The following SIAH3 variants were observed in gnomAD, a reference collection of about 807,000 sequenced individuals.
The protein encoded by SIAH3 is seven in absentia homolog 3.
SIAH3 carries 9 observed loss-of-function variants against 12.6 expected under a neutral mutation model. The ratio of observed to expected loss-of-function variants is 0.72; its 90% CI spans 0.43 to 1.25. The LOEUF (loss-of-function observed/expected upper bound fraction) is 1.25, where lower values mean the gene tolerates loss of function less well. Among genes scored for constraint, SIAH3 ranks in the 50% most tolerant of loss-of-function variants. The probability of loss-of-function intolerance (pLI) is 0.00; values close to 1 mark genes in which losing one functional copy is unlikely to be tolerated. For missense variants in SIAH3, 390 were observed against 365.4 expected (o/e 1.07, Z -0.55); for synonymous variants, 154 against 151.1 (o/e 1.02, Z -0.14).
chr13:45,816,044 C>T (rs544217776), intron 1 of SIAH3, among the ~76,000 whole-genome samples: 8 of 152,210 alleles, frequency 5.3e-5, no homozygotes, highest in African/African-American at 1.2e-4. Flanking sequence ...GTGAGGAAAC[C>T]GAGGCACAGA....
intron 1 of SIAH3, among the ~76,000 whole-genome samples, chr13:45,834,322 G>A (rs1419515605): frequency 1.3e-5 from 2 of 152,160 alleles, no homozygotes; most frequent in African/African-American, 4.8e-5. Context: ...ATCTCTACCA[G>A]GGGAAAGAAA....
intron 1 of SIAH3, among the ~76,000 whole-genome samples, chr13:45,843,397 A>G (rs1950747792): frequency 6.6e-6 from 1 of 152,146 alleles, no homozygotes; most frequent in African/African-American, 2.4e-5. Flanking sequence ...CCCCTCACAG[A>G]GCCACCTACC....
intron 1 of SIAH3, among the ~76,000 whole-genome samples, chr13:45,830,507 C>T (rs892308399): frequency 1.3e-5 from 2 of 152,230 alleles, no homozygotes; most frequent in Non-Finnish European, 2.9e-5. Flanking sequence ...CAGAGCTTAG[C>T]GTACACACCT....
intron 1 of SIAH3, among the ~76,000 whole-genome samples, chr13:45,837,497 A>G (rs1950721855): frequency 6.6e-6 from 1 of 151,568 alleles, no homozygotes; most frequent in Non-Finnish European, 1.5e-5. Context: ...AAAGAAAAAG[A>G]AAGAAAGAAA....
intron 1 of SIAH3, among the ~76,000 whole-genome samples, chr13:45,801,636 G>T (rs1238904567): frequency 6.6e-6 from 1 of 152,058 alleles, no homozygotes; most frequent in Non-Finnish European, 1.5e-5. Flanking sequence ...CACAGCTAGG[G>T]GTCAACATAT....
intron 1 of SIAH3, among the ~76,000 whole-genome samples, chr13:45,814,045 TG>T (rs1396291361): frequency 6.6e-6 from 1 of 152,076 alleles, no homozygotes; most frequent in Non-Finnish European, 1.5e-5. Context: ...GAGACCATCC[TG>T]GCTAACACGG....
At chr13:45,829,331 A>G (rs2137575468) in intron 1 of SIAH3, among the ~76,000 whole-genome samples, 1 of 152,308 alleles carries the variant, frequency 6.6e-6, no homozygotes, top group South Asian at 2.1e-4. Flanking sequence ...GGCTGGGTGC[A>G]GTGGCTCACA....
At chr13:45,830,237 C>T (rs969090005) in intron 1 of SIAH3, among the ~76,000 whole-genome samples, 7 of 152,170 alleles carry the variant, frequency 4.6e-5, no homozygotes, top group African/African-American at 1.7e-4. Flanking sequence ...ATGTATGTGG[C>T]CACCTGAGCC....
chr13:45,830,210 GTTCCATCCCA>G (rs1256916833), intron 1 of SIAH3, among the ~76,000 whole-genome samples: 2 of 152,162 alleles, frequency 1.3e-5, no homozygotes, highest in Non-Finnish European at 2.9e-5. Context: ...CTCATCCCTA[GTTCCATCCCA>G]TACCTGATGT....
At chr13:45,809,619 T>C (rs1950609845) in intron 1 of SIAH3, among the ~76,000 whole-genome samples, 1 of 152,252 alleles carries the variant, frequency 6.6e-6, no homozygotes. Flanking sequence ...TATTGTAAAA[T>C]GTTTACAATA....
chr13:45,826,405 A>AGTGGCTGGG (rs1950676034), intron 1 of SIAH3, among the ~76,000 whole-genome samples: 1 of 88,048 alleles, frequency 1.1e-5, no homozygotes, highest in Non-Finnish European at 2.2e-5. Flanking sequence ...GGATGGATGG[A>AGTGGCTGGG]TGGATGGATG....
chr13:45,801,116 A>G (rs966025046), intron 1 of SIAH3, among the ~76,000 whole-genome samples: 2 of 151,464 alleles, frequency 1.3e-5, no homozygotes, highest in Admixed American at 6.6e-5. Flanking sequence ...ATGGCTGTAG[A>G]CGTTGCTATT....
intron 1 of SIAH3, among the ~76,000 whole-genome samples, chr13:45,827,129 C>T (rs186204179): frequency 7.9e-5 from 12 of 152,276 alleles, no homozygotes; most frequent in Non-Finnish European, 1.3e-4. Flanking sequence ...AGTTCTGATG[C>T]CTGTGTGACT....
At chr13:45,820,448 G>A (rs1238969702) in intron 1 of SIAH3, among the ~76,000 whole-genome samples, 1 of 152,184 alleles carries the variant, frequency 6.6e-6, no homozygotes, top group Non-Finnish European at 1.5e-5. Context: ...TCTAGGGATT[G>A]TGACTGGAAC....
Position 45,840,808 on chromosome 13 carries a change from T to C in SIAH3, c.135+10687A>G, listed in dbSNP as rs540397395. On this transcript the variant is annotated intron_variant, in intron 1 of 1. Transcript: ENST00000400405. ...TCAGTTGTTTGTTGTGAAAAGTAAC[T>C]GAGGGATGACATATCAAGACGCGCT... 1.1e-4 allele frequency among the ~76,000 whole-genome samples: 16 copies of C among 152,314 alleles called. No individual in the cohort carries two copies. In the East Asian group the frequency reaches 1.5e-3, roughly 15 times the overall value.
rs1950513306 is a variant in SIAH3 at position 45,783,509 on chromosome 13, C to G, written c.684G>C (p.Val228=). The change falls in exon 2 of 2, where the codon GTG becomes GTC. Residue 228 remains valine (V), a synonymous_variant. Coordinates refer to ENST00000400405, the MANE Select transcript of SIAH3 (RefSeq NM_198849.3). Reference sequence around the variant, plus strand: ...GGACGAGGCAGTCCCCGTCCGTAATCACCGAGTCCACGCACTCAAGAACAG... The same window carrying G: ...GGACGAGGCAGTCCCCGTCCGTAATGACCGAGTCCACGCACTCAAGAACAG... ...PRSVLECVDS[V]ITDGDCLVLN... 6.2e-7 allele frequency: 1 copy of G among 1,614,200 alleles called. No individual in the cohort carries two copies. The highest frequency in any genetic ancestry group is 8.5e-7 in the Non-Finnish European group (1 of 1,180,046).
At chr13:45,802,916 A>C (rs1009336711) in intron 1 of SIAH3, among the ~76,000 whole-genome samples, 6 of 152,080 alleles carry the variant, frequency 3.9e-5, no homozygotes, top group Non-Finnish European at 7.4e-5. Context: ...TACTAAAAAT[A>C]CAAAAATTAG....
intron 1 of SIAH3, among the ~76,000 whole-genome samples, chr13:45,813,962 G>C (rs1452101080): frequency 6.6e-6 from 1 of 152,100 alleles, no homozygotes; most frequent in East Asian, 1.9e-4. Context: ...CCATAGGCCG[G>C]GCACAGTGGC....
chr13:45,826,437 A>ATGAG (rs1950676633), intron 1 of SIAH3, among the ~76,000 whole-genome samples: 7 of 28,622 alleles, frequency 2.4e-4, no homozygotes, highest in South Asian at 1.3e-3. Context: ...GGATGAATGG[A>ATGAG]TGCATGGATG....
Sources: gnomAD v4.1 joint callset for allele counts (sites outside exome capture counted in the v4.1 genomes callset) on GRCh38, gnomAD v4.1.1 for gene constraint, MANE v1.5 for transcripts, NCBI Gene and HGNC (gene_info 2026-07-23, HGNC 2026-07-21) for gene names.